Variants in C20orf204 observed in about 807,000 individuals in gnomAD.
C20orf204 encodes the protein chromosome 20 open reading frame 204, also known as uncharacterized protein C20orf204.
A neutral mutation model predicts 3.6 loss-of-function variants in C20orf204; 6 were observed. That is an observed-to-expected ratio of 1.68 (90% CI 0.92 to 3.31). C20orf204 has a LOEUF of 3.31. C20orf204 is among the 30% of genes most tolerant of loss of function. The pLI is 0.00. For missense variants in C20orf204, 167 were observed against 89.7 expected (o/e 1.86, Z -3.48); for synonymous variants, 80 against 41.4 (o/e 1.93, Z -3.58).
chr20:64,036,691 G>C (rs1484340376), intron 1 of C20orf204: 1 of 152,266 alleles, frequency 6.6e-6, no homozygotes, highest in East Asian at 1.9e-4. Context: ...TCAGGCTCTG[G>C]TTCTCGCTAT....
chr20:64,038,427 C>G lies in C20orf204; in HGVS notation c.411C>G (p.Arg137=). The change falls in exon 3 of 4, where the codon CGC becomes CGG. Residue 137 remains arginine, a synonymous_variant. Transcript: ENST00000636176. ...TGCGCACCGAGGCGGTGATGCGGCG[C>G]CACTGCAGGACGCTGCGCCAGGTGT... is the stretch of plus-strand genomic sequence containing the variant. ...VAVRTEAVMR[R]HCRTLRQRSR... 1.3e-6 allele frequency: 1 copy of G among 770,220 alleles called. No individual in the cohort carries two copies. The highest frequency in any genetic ancestry group is 2.4e-6 in the Non-Finnish European group (1 of 414,692). 47.7% of individuals were successfully genotyped at this position (770,220 alleles called of 1,614,324 possible).
chr20:64,034,531 C>T (rs1427752558), upstream of C20orf204: 1 of 152,390 alleles, frequency 6.6e-6, no homozygotes, highest in East Asian at 1.9e-4. Flanking sequence ...CAGCTCAAAT[C>T]GTTGGAATGT....
rs1285257469 is a variant in C20orf204 at position 64,038,342 on chromosome 20, G to A, written c.326G>A (p.Arg109His). Residue 109 changes from arginine (R) to histidine (H), a missense_variant, in exon 3 of 4, where the codon CGC becomes CAC. By Grantham distance (29) the Arg-to-His change is conservative. Transcript: ENST00000636176. The stretch of plus-strand genomic sequence containing the variant: ...ATCTCGTCCCTGGGTCGGACCCTGC[G>A]CGGGGCGGTGGCCGGGGGCCGCCGC... The part of the protein sequence containing the change: ...LSISSLGRTL[R>H]GAVAGGRRGA... 2 of 763,216 alleles carry A rather than the reference G, an allele frequency of 2.6e-6. No individual in the cohort carries two copies. The highest frequency in any genetic ancestry group is 3.5e-5 in the African/African-American group (2 of 57,954). The allele number at this position is 763,216 out of a possible 1,614,324, so 47.3% of individuals were successfully genotyped here.
upstream of C20orf204, among the ~76,000 whole-genome samples, chr20:64,033,999 A>G (rs978506306): frequency 6.6e-5 from 10 of 152,170 alleles, no homozygotes; most frequent in African/African-American, 2.2e-4. Context: ...ATGTGTGTGC[A>G]TTCAGTTGGG....
At chr20:64,034,196 G>A (rs816938), upstream of C20orf204, 11,497 of 152,418 alleles carry the variant, frequency 0.075, 519 homozygotes, top group Middle Eastern at 0.12. Flanking sequence ...AGCCCTGGAG[G>A]GTCCCGGCCT....
upstream of C20orf204, among the ~76,000 whole-genome samples, chr20:64,034,129 G>A (rs776041936): frequency 1.3e-5 from 2 of 152,210 alleles, no homozygotes; most frequent in African/African-American, 2.4e-5. Context: ...GCGCTGTCAT[G>A]TGGGCTGAGG....
chr20:64,038,984 G>T lies in C20orf204; in HGVS notation c.*225G>T. 2 of 706,258 alleles carry T rather than the reference G, an allele frequency of 2.8e-6. No individual in the cohort carries two copies. Among genetic ancestry groups the T allele is most frequent in the Middle Eastern group, 2.4e-4 (1 of 4,188 alleles). 43.7% of individuals were successfully genotyped at this position (706,258 alleles called of 1,614,324 possible). On this transcript the variant is annotated 3_prime_UTR_variant, in exon 4 of 4. Coordinates refer to ENST00000636176, the MANE Select transcript of C20orf204 (RefSeq NM_001387010.1). ...GCCGAAGGCCTCAATAAACGGAGCT[G>T]GCGCTGCGGGTCCGGCACTCCCTTC... is the stretch of plus-strand genomic sequence containing the variant.
At chr20:64,038,506 G>A (rs1409043800) in intron 3 of C20orf204, 58 bp downstream of exon 3, 3 of 622,350 alleles carry the variant, frequency 4.8e-6, no homozygotes, top group East Asian at 3.1e-5. Context: ...CAGGGCCGCC[G>A]CGCGTCCCGG....
Position 64,038,292 on chromosome 20 carries a change from C to A in C20orf204, c.280-4C>A, listed in dbSNP as rs762520173. 1 of 757,014 alleles carries A rather than the reference C, an allele frequency of 1.3e-6. No homozygotes were observed. The highest frequency in any genetic ancestry group is 1.4e-5 in the South Asian group (1 of 72,368). 46.9% of individuals were successfully genotyped at this position (757,014 alleles called of 1,614,324 possible). On this transcript the variant is annotated splice_region_variant and splice_polypyrimidine_tract_variant and intron_variant, in intron 2 of 3. Transcript: ENST00000636176. The stretch of plus-strand genomic sequence containing the variant: ...CACCCCGCCTTCCTCCCTTCCCTCC[C>A]CAGGAGCACAGTATCCTCCTGTCCA...
rs1350172843 is a variant in C20orf204, at chr20:64,038,962, G to A, written c.*203G>A. ...GGAGGAGGCCCGCCCTCCACGCGCC[G>A]AAGGCCTCAATAAACGGAGCTGGCG... On this transcript the variant is annotated 3_prime_UTR_variant, in exon 4 of 4. Transcript: ENST00000636176. The A allele has an allele frequency of 1.4e-6, 1 of 721,776 alleles. No individual in the cohort carries two copies. Among genetic ancestry groups the A allele is most frequent in the Admixed American group, 1.9e-5 (1 of 52,794 alleles). The allele number at this position is 721,776 out of a possible 1,614,324, so 44.7% of individuals were successfully genotyped here.
rs1473885450 is a variant in C20orf204 at position 64,038,672 on chromosome 20, G to A, written c.483G>A (p.Arg161=). The A allele has an allele frequency of 1.5e-5, 10 of 648,226 alleles. No individual in the cohort carries two copies. In the Admixed American group the frequency reaches 2.2e-4, roughly 14 times the overall value. The allele number at this position is 648,226 out of a possible 1,614,324, so 40.2% of individuals were successfully genotyped here. A position where few individuals can be genotyped will look rare whatever the true frequency, so the allele number is the denominator to read the frequency against. ...CTGCCCGGCGTCGCGGCGGCCGAAG[G>A]CAGCTCCTGCTGCGCGCCCTGGACG... The part of the protein sequence containing the change: ...MRPARRRGGR[R]QLLLRALDAV... Residue 161 remains arginine, a synonymous_variant, in exon 4 of 4, where the codon AGG becomes AGA. Coordinates refer to ENST00000636176, the MANE Select transcript of C20orf204 (RefSeq NM_001387010.1).
intron 3 of C20orf204, 52 bp downstream of exon 3, chr20:64,038,500 G>A (rs1199109179): frequency 2.1e-5 from 13 of 630,330 alleles, no homozygotes; most frequent in East Asian, 9.0e-5. Context: ...CCCCCACAGG[G>A]CCGCCGCGCG....
At position 64,038,783 on chromosome 20, in the gene C20orf204, G is replaced by C. The variant is rs565164981; in HGVS notation, c.*24G>C. ...AGCGCGGCCCGTCCTGGCCCTGCGC[G>C]GGGAGGAGAACCAGCGGGGCCGCGG... On this transcript the variant is annotated 3_prime_UTR_variant, in exon 4 of 4. Coordinates refer to ENST00000636176, the MANE Select transcript of C20orf204 (RefSeq NM_001387010.1). 19 of 696,970 alleles carry C rather than the reference G, an allele frequency of 2.7e-5. No homozygotes were observed. The South Asian group carries it at 2.9e-4, about 11-fold the overall frequency. 43.2% of individuals were successfully genotyped at this position (696,970 alleles called of 1,614,324 possible).
chr20:64,036,163 C>T (rs990642220), upstream of C20orf204: 1 of 152,556 alleles, frequency 6.6e-6, no homozygotes, highest in African/African-American at 2.4e-5. Flanking sequence ...TCAAAAGCCT[C>T]CGCCTGGCCT....
chr20:64,035,573 G>C (rs958338832), upstream of C20orf204: 23 of 152,394 alleles, frequency 1.5e-4, no homozygotes, highest in African/African-American at 5.5e-4. Context: ...CCAGACCACA[G>C]CAGAAGCGAC....
upstream of C20orf204, chr20:64,035,248 G>C (rs1325203413): frequency 6.6e-6 from 1 of 152,236 alleles, no homozygotes; most frequent in Non-Finnish European, 1.5e-5. Flanking sequence ...TGCACCCCCA[G>C]GCTGTGTGCC....
In C20orf204 at chr20:64,038,879, G is replaced by C. The variant is rs1266712973; in HGVS notation, c.*120G>C. On this transcript the variant is annotated 3_prime_UTR_variant, in exon 4 of 4. Coordinates refer to ENST00000636176, the MANE Select transcript of C20orf204 (RefSeq NM_001387010.1). ...CGGCCCCTCGCTCGACGCAGCCCGCGCTCCCCGGAGGGCCCAGGACTTGGA... is the reference window on the plus strand; with the variant it reads ...CGGCCCCTCGCTCGACGCAGCCCGCCCTCCCCGGAGGGCCCAGGACTTGGA... The C allele has an allele frequency of 4.1e-6, 3 of 731,762 alleles. No individual in the cohort carries two copies. The highest frequency in any genetic ancestry group is 3.7e-5 in the Admixed American group (2 of 53,924). The allele number at this position is 731,762 out of a possible 1,614,324, so 45.3% of individuals were successfully genotyped here. A position where few individuals can be genotyped will look rare whatever the true frequency, so the allele number is the denominator to read the frequency against.
At chr20:64,037,297 T>C (rs1357374689) in intron 1 of C20orf204, 1 of 152,298 alleles carries the variant, frequency 6.6e-6, no homozygotes, top group Non-Finnish European at 1.5e-5. Flanking sequence ...CAATAGGGTG[T>C]GGCTTGGAGC....
At chr20:64,036,796 G>C (rs574042629) in intron 1 of C20orf204, 2 of 152,560 alleles carry the variant, frequency 1.3e-5, no homozygotes, top group Non-Finnish European at 2.9e-5. Flanking sequence ...TCAGGTTTCA[G>C]GAAGGGGCCA....
Sources: allele counts gnomAD v4.1 joint callset (sites outside exome capture counted in the v4.1 genomes callset), GRCh38; gene constraint gnomAD v4.1.1; transcripts MANE v1.5; gene names NCBI Gene and HGNC (gene_info 2026-07-23, HGNC 2026-07-21).